The following SRGAP2 variants were observed in gnomAD, a reference collection of about 807,000 sequenced individuals.
SRGAP2 encodes SLIT-ROBO Rho GTPase activating protein 2.
SRGAP2 carries 15 observed loss-of-function variants against 57.2 expected under a neutral mutation model. That is an observed-to-expected ratio of 0.26 (90% CI 0.18 to 0.40). SRGAP2 has a LOEUF of 0.40. SRGAP2 is among the 10% of genes least tolerant of loss of function. The pLI, the probability that SRGAP2 is intolerant of heterozygous loss-of-function variation, is 1.00. For missense variants in SRGAP2, 520 were observed against 669.6 expected, an observed-to-expected ratio of 0.78 and a Z score of 2.47; for synonymous variants, 249 against 248.0, an observed-to-expected ratio of 1.00 and a Z score of -0.04.
chr1:206,355,145 C>T (rs1215066259), intron 4 of SRGAP2, among the ~76,000 whole-genome samples: 3 of 152,100 alleles, frequency 2.0e-5, no homozygotes, highest in Non-Finnish European at 4.4e-5. Context: ...ATCTAATGCA[C>T]ACAGTTTTAT....
rs1571677027 is a variant in SRGAP2 at position 206,250,507 on chromosome 1, G to C, written c.67+44470G>C. On this transcript the variant is annotated intron_variant, in intron 2 of 22. Transcript: ENST00000573034. Reference sequence around the variant, plus strand: ...CCCAAAGGGTGAGTACTGTGAATGGGAACTACCCCAGATGTGTCAGGAGCA... The same window carrying C: ...CCCAAAGGGTGAGTACTGTGAATGGCAACTACCCCAGATGTGTCAGGAGCA... Among the ~76,000 whole-genome samples the C allele has an allele frequency of 2.0e-5, 2 of 99,532 alleles. 1 individual carries two copies. The highest frequency in any genetic ancestry group is 1.8e-4 in the Admixed American group (2 of 11,034). 65.3% of individuals were successfully genotyped at this position (99,532 alleles called of 152,430 possible).
chr1:206,257,796 G>A (rs1669290664), intron 2 of SRGAP2, among the ~76,000 whole-genome samples: 1 of 135,242 alleles, frequency 7.4e-6, no homozygotes, highest in Admixed American at 7.4e-5. Context: ...TTTTCAGATG[G>A]TGATAAGTAA....
chr1:206,353,940 C>T (rs1199460951), intron 4 of SRGAP2, among the ~76,000 whole-genome samples: 5 of 150,966 alleles, frequency 3.3e-5, no homozygotes, highest in Non-Finnish European at 7.4e-5. Context: ...TCTGATACTA[C>T]AGGTGTGTAC....
At chr1:206,319,110 A>G (rs1342885694) in intron 3 of SRGAP2, among the ~76,000 whole-genome samples, 1 of 151,630 alleles carries the variant, frequency 6.6e-6, no homozygotes, top group Non-Finnish European at 1.5e-5. Flanking sequence ...CTAGATGTTC[A>G]TTACTTCATT....
At chr1:206,273,781 G>T (rs1261597902) in intron 2 of SRGAP2, among the ~76,000 whole-genome samples, 1 of 147,274 alleles carries the variant, frequency 6.8e-6, no homozygotes, top group African/African-American at 2.7e-5. Flanking sequence ...CCGTCTGTGG[G>T]TGGTCACTGT....
intron 11 of SRGAP2, among the ~76,000 whole-genome samples, 166 bp from the exon 12 acceptor site, chr1:206,419,207 C>T (rs1251626873): frequency 6.6e-6 from 1 of 152,092 alleles, no homozygotes; most frequent in African/African-American, 2.4e-5. Flanking sequence ...TTCTTTCTCT[C>T]TGTCTCTGTC....
chr1:206,240,504 G>A (rs1487382039), intron 2 of SRGAP2, among the ~76,000 whole-genome samples: 2 of 152,128 alleles, frequency 1.3e-5, no homozygotes, highest in East Asian at 3.9e-4. Context: ...ACGCATGCAA[G>A]CAAGCAGAAT....
Position 206,418,888 on chromosome 1 carries a change from C to G in SRGAP2, c.1442-485C>G, listed in dbSNP as rs1029492246. Among the ~76,000 whole-genome samples the G allele has an allele frequency of 4.9e-3, 665 of 136,628 alleles. 2 individuals are homozygous for G. The highest frequency in any genetic ancestry group is 0.011 in the Middle Eastern group (3 of 276). The allele number at this position is 136,628 out of a possible 152,430, so 89.6% of individuals were successfully genotyped here. A position where few individuals can be genotyped will look rare whatever the true frequency, so the allele number is the denominator to read the frequency against. Reference sequence around the variant, plus strand: ...TTGTTCTCTCAGCCTCCAACTCTCTCTGTGTGTGTGTGTGTGTGTGTGTGT... The same window carrying G: ...TTGTTCTCTCAGCCTCCAACTCTCTGTGTGTGTGTGTGTGTGTGTGTGTGT... On this transcript the variant is annotated intron_variant, in intron 11 of 22. Coordinates refer to ENST00000573034, the MANE Select transcript of SRGAP2 (RefSeq NM_015326.5).
chr1:206,427,977 C>A (rs1026207715), intron 13 of SRGAP2, among the ~76,000 whole-genome samples: 9 of 152,116 alleles, frequency 5.9e-5, no homozygotes, highest in Admixed American at 5.9e-4. Context: ...GTCTGGGTAC[C>A]TGTAGTTCCA....
chr1:206,452,617 C>T (rs1663415875), intron 19 of SRGAP2, among the ~76,000 whole-genome samples: 1 of 152,094 alleles, frequency 6.6e-6, no homozygotes, highest in Non-Finnish European at 1.5e-5. Context: ...CGGTCGGGCG[C>T]GTGGCTCACG....
At chr1:206,450,629 G>GC (rs1558447669) in intron 19 of SRGAP2, among the ~76,000 whole-genome samples, 164 bp downstream of exon 19, 2 of 152,140 alleles carry the variant, frequency 1.3e-5, no homozygotes, top group Non-Finnish European at 2.9e-5. Flanking sequence ...TGGAGAGGTA[G>GC]CCCACCTTCT....
chr1:206,281,206 GTT>G (rs1384635694), intron 2 of SRGAP2, among the ~76,000 whole-genome samples: 1 of 143,630 alleles, frequency 7.0e-6, no homozygotes, highest in Non-Finnish European at 1.5e-5. Context: ...AAATGCTCCA[GTT>G]TATGAATTAG....
At chr1:206,421,353 G>A in intron 13 of SRGAP2, 79 bp downstream of exon 13, 1 of 675,084 alleles carries the variant, frequency 1.5e-6, no homozygotes, top group African/African-American at 1.8e-5. Flanking sequence ...GCGCCACTGT[G>A]TGCAGGACAG....
intron 2 of SRGAP2, among the ~76,000 whole-genome samples, chr1:206,294,849 T>C (rs1671500454): frequency 5.9e-5 from 9 of 151,588 alleles, no homozygotes. Context: ...TTCTGGCTGC[T>C]TGAGATCCAA....
chr1:206,214,764 C>T (rs1394884503), intron 2 of SRGAP2: 3 of 147,562 alleles, frequency 2.0e-5, no homozygotes, highest in Non-Finnish European at 4.5e-5. Context: ...TGCACTCCAG[C>T]CTGGGCAACA....
chr1:206,457,920 C>T (rs1401668580), intron 21 of SRGAP2, among the ~76,000 whole-genome samples: 1 of 152,246 alleles, frequency 6.6e-6, no homozygotes. Context: ...GCAGGCAACA[C>T]CCATGTAACT....
chr1:206,379,108 C>T (rs1431804228), intron 4 of SRGAP2, among the ~76,000 whole-genome samples: 1 of 152,156 alleles, frequency 6.6e-6, no homozygotes, highest in African/African-American at 2.4e-5. Flanking sequence ...TCAGAGCCGT[C>T]TCATGGTATC....
chr1:206,457,763 C>T (rs2103415078), intron 21 of SRGAP2, among the ~76,000 whole-genome samples: 1 of 152,356 alleles, frequency 6.6e-6, no homozygotes, highest in East Asian at 1.9e-4. Context: ...CCCCTTCCCT[C>T]CTTCCACCTC....
chr1:206,212,154 G>C (rs1292715860), intron 2 of SRGAP2, among the ~76,000 whole-genome samples: 13 of 152,008 alleles, frequency 8.6e-5, no homozygotes, highest in African/African-American at 2.9e-4. Flanking sequence ...TGTGAACATA[G>C]GTGTAACATA....
Sources: gnomAD v4.1 joint callset for allele counts (sites outside exome capture counted in the v4.1 genomes callset) on GRCh38, gnomAD v4.1.1 for gene constraint, MANE v1.5 for transcripts, NCBI Gene and HGNC (gene_info 2026-07-23, HGNC 2026-07-21) for gene names.